The following ATF7IP variants were observed in gnomAD, a reference collection of about 807,000 sequenced individuals.
The protein encoded by ATF7IP is activating transcription factor 7 interacting protein.
ATF7IP carries 23 observed loss-of-function variants against 106.4 expected under a neutral mutation model. The observed-to-expected ratio is 0.22, with a 90% CI of 0.16 to 0.31. The LOEUF is 0.31. ATF7IP is among the 10% of genes least tolerant of loss of function. The probability of loss-of-function intolerance (pLI) is 1.00; values close to 1 mark genes in which losing one functional copy is unlikely to be tolerated. For missense variants in ATF7IP, 1,334 were observed against 1,524.3 expected (o/e 0.88, Z 2.08); for synonymous variants, 542 against 539.0 (o/e 1.01, Z -0.08).
chr12:14,481,021 T>G lies in ATF7IP; in HGVS notation c.3116T>G (p.Val1039Gly), dbSNP rs1487824888. ...LLPTAPTTVN[V>G]THRPVTQVTT... ...GCATTAGCTCCAACTACCGTGAATG[T>G]AACACATCGTCCAGTAACTCAGGTG... is the stretch of plus-strand genomic sequence containing the variant. Residue 1039 changes from valine to glycine, a missense_variant, in exon 13 of 15, where the codon GTA (valine) becomes GGA (glycine). This residue lies in a region of ATF7IP where 370 missense variants were observed against 401.2 expected (regional missense o/e 0.92). Coordinates refer to ENST00000261168, the MANE Select transcript of ATF7IP (RefSeq NM_018179.5). 6.2e-7 allele frequency: 1 copy of G among 1,613,994 alleles called. No homozygotes were observed. Among genetic ancestry groups the G allele is most frequent in the Non-Finnish European group, 8.5e-7 (1 of 1,179,932 alleles).
intron 10 of ATF7IP, among the ~76,000 whole-genome samples, chr12:14,471,986 A>G (rs1467683163): frequency 9.8e-5 from 15 of 152,312 alleles, no homozygotes; most frequent in South Asian, 4.1e-4. Flanking sequence ...AGATCTAACA[A>G]TTGAATGTTT....
intron 1 of ATF7IP, among the ~76,000 whole-genome samples, chr12:14,379,815 G>T (rs1938924894): frequency 6.6e-6 from 1 of 152,098 alleles, no homozygotes; most frequent in Non-Finnish European, 1.5e-5. Context: ...TCTCCTCTCA[G>T]TGGAAGCTTG....
At chr12:14,447,983 T>A (rs181693702) in intron 6 of ATF7IP, among the ~76,000 whole-genome samples, 55 of 152,290 alleles carry the variant, frequency 3.6e-4, no homozygotes, top group African/African-American at 1.2e-3. Context: ...TTATTTCCTT[T>A]ATTATTCATA....
At chr12:14,482,701 C>A (rs915982007) in intron 13 of ATF7IP, 1 of 152,224 alleles carries the variant, frequency 6.6e-6, no homozygotes, top group African/African-American at 2.4e-5. Context: ...CCCTAACAGA[C>A]ACACCCAGGA....
rs1195824617 is a variant in ATF7IP at position 14,502,525 on chromosome 12, TTGTTTTTGTC to T, written c.*4462_*4471del. ...CGTCTTTATTATTTTTTTGAGGTCTTTGTTTTTGTCTGTTTTTGTTTTGTTTTGTTTTGTA... is the reference window on the plus strand; with the variant it reads ...CGTCTTTATTATTTTTTTGAGGTCTTTGTTTTTGTTTTGTTTTGTTTTGTA... On this transcript the variant is annotated 3_prime_UTR_variant, in exon 15 of 15. Transcript: ENST00000261168. The T allele has an allele frequency of 6.6e-6, 1 of 152,178 alleles. No individual in the cohort carries two copies. Among genetic ancestry groups the T allele is most frequent in the Non-Finnish European group, 1.5e-5 (1 of 68,032 alleles). The allele number at this position is 152,178 out of a possible 1,614,324, so 9.4% of individuals were successfully genotyped here.
intron 1 of ATF7IP, among the ~76,000 whole-genome samples, chr12:14,368,091 C>T (rs1311075283): frequency 1.3e-5 from 2 of 151,902 alleles, no homozygotes; most frequent in African/African-American, 4.8e-5. Flanking sequence ...TTAGGTTTTG[C>T]ATATGTGATA....
At chr12:14,430,311 C>T (rs1019757783) in intron 2 of ATF7IP, among the ~76,000 whole-genome samples, 2 of 152,162 alleles carry the variant, frequency 1.3e-5, no homozygotes, top group Non-Finnish European at 2.9e-5. Flanking sequence ...ATCTGGAGAT[C>T]ATTGGTGACT....
At chr12:14,386,570 A>T (rs1939252155) in intron 1 of ATF7IP, among the ~76,000 whole-genome samples, 1 of 152,098 alleles carries the variant, frequency 6.6e-6, no homozygotes, top group South Asian at 2.1e-4. Flanking sequence ...CAATATATAA[A>T]AGGGATACTT....
rs1384913620 is a variant in ATF7IP at position 14,436,214 on chromosome 12, T to C, written c.1754T>C (p.Ile585Thr). 1 of 1,613,622 alleles carries C rather than the reference T, an allele frequency of 6.2e-7. No homozygotes were observed. The highest frequency in any genetic ancestry group is 1.7e-5 in the Admixed American group (1 of 59,998). Residue 585 changes from isoleucine (I) to threonine (T), a missense_variant, in exon 4 of 15, where the codon ATT (isoleucine) becomes ACT (threonine). Around this residue, in one of 10 missense-constraint regions of ATF7IP, gnomAD observed 119 missense variants for 117.8 expected, o/e 1.01. Coordinates refer to ENST00000261168, the MANE Select transcript of ATF7IP (RefSeq NM_018179.5). ...TATGAGGCAGAATTTCAAGTAAAGA[T>C]TACAGCCAAAGGAGACATTAACCAG... ...EEYEAEFQVK[I>T]TAKGDINQKL... is the part of the protein sequence containing the mutation.
chr12:14,452,135 A>G (rs1358265257), intron 6 of ATF7IP, among the ~76,000 whole-genome samples: 2 of 152,078 alleles, frequency 1.3e-5, no homozygotes, highest in Admixed American at 1.3e-4. Flanking sequence ...CCTAAAGTCT[A>G]TTTTGTCATA....
intron 10 of ATF7IP, among the ~76,000 whole-genome samples, chr12:14,472,360 T>C (rs1370605522): frequency 6.6e-6 from 1 of 152,222 alleles, no homozygotes; most frequent in African/African-American, 2.4e-5. Context: ...CACATTTCTT[T>C]GTTATTTAGA....
chr12:14,365,692 AGGC>A lies in ATF7IP; in HGVS notation c.-134_-132del. On this transcript the variant is annotated 5_prime_UTR_variant, in exon 1 of 15. Coordinates refer to ENST00000261168, the MANE Select transcript of ATF7IP (RefSeq NM_018179.5). ...AGCGGGTTTGTTTTTGAATCTGCGG[AGGC>A]GGCGGCGGTGGCAGCGGCGGCGCGG... The A allele has an allele frequency of 6.4e-6, 1 of 157,274 alleles. No homozygotes were observed. Among genetic ancestry groups the A allele is most frequent in the African/African-American group, 2.4e-5 (1 of 41,596 alleles). 9.7% of individuals were successfully genotyped at this position (157,274 alleles called of 1,614,324 possible). A position where few individuals can be genotyped will look rare whatever the true frequency, so the allele number is the denominator to read the frequency against.
chr12:14,381,700 C>T (rs1275759227), intron 1 of ATF7IP, among the ~76,000 whole-genome samples: 3 of 152,020 alleles, frequency 2.0e-5, no homozygotes, highest in African/African-American at 7.2e-5. Flanking sequence ...TTAATAATAA[C>T]TTACAATTAG....
chr12:14,439,851 C>G (rs1046201297), intron 5 of ATF7IP, among the ~76,000 whole-genome samples: 1 of 124,170 alleles, frequency 8.1e-6, no homozygotes, highest in Non-Finnish European at 1.8e-5. Context: ...ATCCATCCAT[C>G]CATCCATCCA....
At chr12:14,396,153 G>C (rs1428418823) in intron 1 of ATF7IP, among the ~76,000 whole-genome samples, 1 of 152,132 alleles carries the variant, frequency 6.6e-6, no homozygotes, top group Non-Finnish European at 1.5e-5. Context: ...AGTGAAGAGT[G>C]GTAGTGAGGT....
chr12:14,497,674 C>G lies in ATF7IP; in HGVS notation c.3414C>G (p.His1138Gln). ...QVHTEPPRPV[H>Q]PAPLPEAPQP... The stretch of plus-strand genomic sequence containing the variant: ...TTCAGGAGCCCCCACGCCCCGTGCA[C>G]CCAGCACCCTTACCAGAAGCTCCAC... The change falls in exon 15 of 15, where the codon CAC becomes CAG. Residue 1138 changes from histidine (H) to glutamine (Q), a missense_variant. By Grantham distance (24) the His-to-Gln change is conservative. Transcript: ENST00000261168. The G allele has an allele frequency of 6.2e-7, 1 of 1,613,978 alleles. No individual in the cohort carries two copies. The highest frequency in any genetic ancestry group is 8.5e-7 in the Non-Finnish European group (1 of 1,179,912).
intron 13 of ATF7IP, among the ~76,000 whole-genome samples, chr12:14,493,894 C>T (rs865961038): frequency 5.9e-5 from 9 of 152,026 alleles, no homozygotes; most frequent in African/African-American, 2.2e-4. Context: ...GAGACAGAAT[C>T]CTTGAGTTCA....
chr12:14,471,115 A>T (rs971104621), intron 10 of ATF7IP, among the ~76,000 whole-genome samples: 5 of 152,140 alleles, frequency 3.3e-5, no homozygotes, highest in Admixed American at 2.0e-4. Context: ...TTGATTTTTC[A>T]TTTAATGCTA....
At chr12:14,489,462 C>T (rs945003533) in intron 13 of ATF7IP, among the ~76,000 whole-genome samples, 5 of 152,072 alleles carry the variant, frequency 3.3e-5, no homozygotes, top group South Asian at 2.1e-4. Flanking sequence ...AACGTAATGT[C>T]GCAGGAACAG....
Sources: gnomAD v4.1 joint callset for allele counts (sites outside exome capture counted in the v4.1 genomes callset) on GRCh38, gnomAD v4.1.1 for gene constraint, gnomAD v4.1.1 regional missense constraint, MANE v1.5 for transcripts, NCBI Gene and HGNC (gene_info 2026-07-23, HGNC 2026-07-21) for gene names.